Variants in PDGFC observed in about 807,000 individuals in gnomAD.
PDGFC encodes platelet-derived growth factor C.
PDGFC carries 12 observed loss-of-function variants against 35.5 expected under a neutral mutation model. The observed-to-expected ratio is 0.34, with a 90% confidence interval of 0.22 to 0.55. The LOEUF (loss-of-function observed/expected upper bound fraction) is 0.55, where lower values mean the gene tolerates loss of function less well. PDGFC is among the 20% of genes least tolerant of loss of function. The pLI, the probability that PDGFC is intolerant of heterozygous loss-of-function variation, is 0.91. For synonymous variants in PDGFC, 159 were observed against 148.8 expected (o/e 1.07, Z -0.50); for missense variants, 322 against 412.4 (o/e 0.78, Z 1.90).
intron 3 of PDGFC, among the ~76,000 whole-genome samples, chr4:156,805,529 T>C (rs1243334510): frequency 3.9e-5 from 6 of 152,230 alleles, no homozygotes; most frequent in East Asian, 1.9e-4. Flanking sequence ...CCACCACTAA[T>C]GTTTTTCCTG....
intron 1 of PDGFC, among the ~76,000 whole-genome samples, chr4:156,913,891 T>C (rs1176018277): frequency 2.6e-5 from 4 of 152,272 alleles, no homozygotes; most frequent in African/African-American, 9.6e-5. Context: ...TTTGCTGCTG[T>C]CTGCTGACAA....
Position 156,791,365 on chromosome 4 carries a change from T to C in PDGFC, c.496-18472A>G, listed in dbSNP as rs116465354. 1.5e-3 allele frequency among the ~76,000 whole-genome samples: 232 copies of C among 152,324 alleles called. 1 individual carries two copies. The highest frequency in any genetic ancestry group is 5.5e-3 in the African/African-American group (227 of 41,576). On this transcript the variant is annotated intron_variant, in intron 3 of 5. Coordinates refer to ENST00000502773, the MANE Select transcript of PDGFC (RefSeq NM_016205.3). ...ATTATTATTGTTGATATCCAGCTTA[T>C]CGTGTATTTATTACTAACGTGGAAA...
At chr4:156,827,006 T>C (rs756317438) in intron 2 of PDGFC, among the ~76,000 whole-genome samples, 7 of 152,254 alleles carry the variant, frequency 4.6e-5, no homozygotes, top group Non-Finnish European at 1.0e-4. Context: ...TTATGTTTAA[T>C]GAATATCTAT....
chr4:156,878,371 T>C (rs1730163705), intron 1 of PDGFC, among the ~76,000 whole-genome samples: 1 of 152,170 alleles, frequency 6.6e-6, no homozygotes, highest in East Asian at 1.9e-4. Flanking sequence ...AAGCAAAATA[T>C]CACAGACTAA....
intron 1 of PDGFC, chr4:156,876,698 G>A (rs1312633233): frequency 1.3e-5 from 2 of 152,100 alleles, no homozygotes; most frequent in African/African-American, 4.8e-5. Context: ...AATTATAACA[G>A]CAGTCTCTTC....
chr4:156,867,516 A>G (rs955172721), intron 1 of PDGFC, among the ~76,000 whole-genome samples: 3 of 152,222 alleles, frequency 2.0e-5, no homozygotes, highest in Admixed American at 2.0e-4. Flanking sequence ...GTGCGCACAG[A>G]GCTATGTTAA....
At chr4:156,851,376 G>A (rs561206656) in intron 1 of PDGFC, among the ~76,000 whole-genome samples, 1 of 152,118 alleles carries the variant, frequency 6.6e-6, no homozygotes, top group South Asian at 2.1e-4. Flanking sequence ...GTACAAAATG[G>A]CTTCCAAGTT....
intron 1 of PDGFC, among the ~76,000 whole-genome samples, chr4:156,876,109 C>A (rs1283884400): frequency 6.6e-6 from 1 of 152,050 alleles, no homozygotes; most frequent in African/African-American, 2.4e-5. Context: ...TATTGAAAAA[C>A]CACAAACAAA....
Position 156,970,770 on chromosome 4 carries a change from T to A in PDGFC, c.118+16A>T, listed in dbSNP as rs754676571. 6.7e-7 allele frequency: 1 copy of A among 1,482,504 alleles called. No homozygotes were observed. Among genetic ancestry groups the A allele is most frequent in the South Asian group, 1.1e-5 (1 of 88,458 alleles). The allele number at this position is 1,482,504 out of a possible 1,614,324, so 91.8% of individuals were successfully genotyped here. A position where few individuals can be genotyped will look rare whatever the true frequency, so the allele number is the denominator to read the frequency against. ...CAGCGAGAAACAAGCAGGGGGAGAA[T>A]GGGGGAAAGACTCACCGTTCTGTTC... On this transcript the variant is annotated intron_variant, in intron 1 of 5. Transcript: ENST00000502773.
chr4:156,820,326 A>T (rs1035590323), intron 2 of PDGFC, among the ~76,000 whole-genome samples: 1 of 152,242 alleles, frequency 6.6e-6, no homozygotes, highest in Admixed American at 6.5e-5. Context: ...GAAATATTTC[A>T]TGGAAGTAAG....
At chr4:156,833,036 C>T (rs1000611529) in intron 2 of PDGFC, among the ~76,000 whole-genome samples, 6 of 152,106 alleles carry the variant, frequency 3.9e-5, no homozygotes, top group African/African-American at 1.4e-4. Context: ...TTGAGTCATC[C>T]CAGCAAAAGG....
chr4:156,833,544 T>C (rs986674704), intron 2 of PDGFC, among the ~76,000 whole-genome samples: 5 of 152,238 alleles, frequency 3.3e-5, no homozygotes, highest in Non-Finnish European at 7.3e-5. Flanking sequence ...AAATTGTTTA[T>C]GTGATTAAAC....
At chr4:156,952,690 G>T (rs1732113056) in intron 1 of PDGFC, among the ~76,000 whole-genome samples, 2 of 151,762 alleles carry the variant, frequency 1.3e-5, no homozygotes, top group Admixed American at 1.3e-4. Context: ...ATCTACTAAT[G>T]GACTGCAAAA....
At chr4:156,912,349 G>C (rs1731058345) in intron 1 of PDGFC, among the ~76,000 whole-genome samples, 1 of 152,102 alleles carries the variant, frequency 6.6e-6, no homozygotes, top group Non-Finnish European at 1.5e-5. Context: ...CTATATCTAA[G>C]AACTCAGTTC....
chr4:156,845,386 A>C, intron 2 of PDGFC, among the ~76,000 whole-genome samples: 1 of 151,682 alleles, frequency 6.6e-6, no homozygotes, highest in East Asian at 1.9e-4. Context: ...AATTAAAAAT[A>C]TATATATATA....
chr4:156,832,488 C>T (rs895481578), intron 2 of PDGFC, among the ~76,000 whole-genome samples: 1 of 152,150 alleles, frequency 6.6e-6, no homozygotes, highest in East Asian at 1.9e-4. Flanking sequence ...AACTCCTGAC[C>T]TCGTGATCCA....
intron 2 of PDGFC, among the ~76,000 whole-genome samples, chr4:156,821,169 ATGTGTGTGTG>A (rs3067734): frequency 7.0e-6 from 1 of 142,610 alleles, no homozygotes; most frequent in Non-Finnish European, 1.5e-5. Flanking sequence ...TGCCTGTTGT[ATGTGTGTGTG>A]TGTGTGTGTG....
At chr4:156,870,517 T>G (rs901670996) in intron 1 of PDGFC, among the ~76,000 whole-genome samples, 9 of 152,272 alleles carry the variant, frequency 5.9e-5, no homozygotes, top group Middle Eastern at 3.4e-3. Flanking sequence ...TTCTATGGAA[T>G]TAACTCTTCT....
chr4:156,941,311 C>A (rs1731800106), intron 1 of PDGFC, among the ~76,000 whole-genome samples: 1 of 152,048 alleles, frequency 6.6e-6, no homozygotes, highest in South Asian at 2.1e-4. Flanking sequence ...TGCAATTAAG[C>A]AATTTATAGA....
Sources: allele counts gnomAD v4.1 joint callset (sites outside exome capture counted in the v4.1 genomes callset), GRCh38; gene constraint gnomAD v4.1.1; transcripts MANE v1.5; gene names NCBI Gene and HGNC (gene_info 2026-07-23, HGNC 2026-07-21).